CFAP418: variants seen among roughly 807,000 people sequenced by gnomAD.
CFAP418 encodes cilia and flagella associated protein 418.
In CFAP418, 27 loss-of-function variants were observed where a neutral mutation model predicts 24.7. The ratio of observed to expected loss-of-function variants is 1.09; its 90% confidence interval spans 0.81 to 1.51. The LOEUF is 1.51. CFAP418 is among the 40% of genes most tolerant of loss of function. The probability of loss-of-function intolerance (pLI) is 0.00; values close to 1 mark genes in which losing one functional copy is unlikely to be tolerated. For missense variants in CFAP418, 257 were observed against 255.2 expected, an observed-to-expected ratio of 1.01 and a Z score of -0.05; for synonymous variants, 74 against 87.3, an observed-to-expected ratio of 0.85 and a Z score of 0.85.
In CFAP418 at chr8:95,245,913, G is replaced by A. The variant is rs926399359; in HGVS notation, c.*1704C>T. 6.6e-6 allele frequency: 1 copy of A among 151,678 alleles called. No homozygotes were observed. Among genetic ancestry groups the A allele is most frequent in the Non-Finnish European group, 1.5e-5 (1 of 67,958 alleles). 9.4% of individuals were successfully genotyped at this position (151,678 alleles called of 1,614,324 possible). On this transcript the variant is annotated 3_prime_UTR_variant, in exon 6 of 6. Coordinates refer to ENST00000286688, the MANE Select transcript of CFAP418 (RefSeq NM_177965.4). ...TCGACTTCAATCGACATCCCCCTAGGTTTCTGACTCAATTACATATAGATA... is the reference window on the plus strand; with the variant it reads ...TCGACTTCAATCGACATCCCCCTAGATTTCTGACTCAATTACATATAGATA...
intron 5 of CFAP418, among the ~76,000 whole-genome samples, chr8:95,249,681 T>G (rs1811679605): frequency 6.6e-6 from 1 of 152,138 alleles, no homozygotes; most frequent in South Asian, 2.1e-4. Context: ...TTCTAAAACT[T>G]CTCAAAGATA....
rs535340031 is a variant in CFAP418, at chr8:95,251,634, A to AAAACCAG, written c.470+547_470+553dup. ...TCTGAGAGAAGAGATTGTAGCCAGA[A>AAAACCAG]AAACCAGTGAGGAGGTTACTTCTGT... On this transcript the variant is annotated intron_variant, in intron 5 of 5. Coordinates refer to ENST00000286688, the MANE Select transcript of CFAP418 (RefSeq NM_177965.4). 1.4e-4 allele frequency among the ~76,000 whole-genome samples: 22 copies of AAAACCAG among 152,342 alleles called. 1 individual carries two copies. In the South Asian group the frequency reaches 4.6e-3, roughly 32 times the overall value.
chr8:95,258,322 CAG>C (rs1312465793), intron 4 of CFAP418, among the ~76,000 whole-genome samples: 2 of 136,832 alleles, frequency 1.5e-5, no homozygotes, highest in African/African-American at 5.5e-5. Flanking sequence ...GCGGAGCTTG[CAG>C]AGAGCCGAGA....
At chr8:95,268,776 G>GGGGCAGGGCGGGGCA (rs1554559650) in intron 1 of CFAP418, 3 of 229,138 alleles carry the variant, frequency 1.3e-5, no homozygotes, top group South Asian at 1.7e-4. Flanking sequence ...GGGGCGGGGC[G>GGGGCAGGGCGGGGCA]GGGCGGGGCG....
rs1054934891 is a variant in CFAP418, at chr8:95,247,282, G to C, written c.*335C>G. 1 of 236,102 alleles carries C rather than the reference G, an allele frequency of 4.2e-6. No individual in the cohort carries two copies. Among genetic ancestry groups the C allele is most frequent in the African/African-American group, 2.3e-5 (1 of 43,278 alleles). 14.6% of individuals were successfully genotyped at this position (236,102 alleles called of 1,614,324 possible). ...CAAGTTGGGGAATGATTTGCTAAAC[G>C]TATTAGCAATCAATATTGCAGTTGC... is the stretch of plus-strand genomic sequence containing the variant. On this transcript the variant is annotated 3_prime_UTR_variant, in exon 6 of 6. Coordinates refer to ENST00000286688, the MANE Select transcript of CFAP418 (RefSeq NM_177965.4).
intron 3 of CFAP418, 92 bp from the exon 4 acceptor site, chr8:95,259,997 T>C (rs1811860247): frequency 1.1e-6 from 1 of 905,554 alleles, no homozygotes; most frequent in South Asian, 1.6e-5. Flanking sequence ...TTGGTTTTAT[T>C]GACTTTATGT....
In CFAP418 at chr8:95,247,462, CATTTGGT is replaced by C; in HGVS notation, c.*148_*154del. 1 of 739,214 alleles carries C rather than the reference CATTTGGT, an allele frequency of 1.4e-6. No individual in the cohort carries two copies. Among genetic ancestry groups the C allele is most frequent in the Non-Finnish European group, 2.2e-6 (1 of 452,232 alleles). The allele number at this position is 739,214 out of a possible 1,614,324, so 45.8% of individuals were successfully genotyped here. On this transcript the variant is annotated 3_prime_UTR_variant, in exon 6 of 6. Coordinates refer to ENST00000286688, the MANE Select transcript of CFAP418 (RefSeq NM_177965.4). ...TTATAATACATGATCTTCCTTAGTCCATTTGGTCTTCAAAAATGTATGTAGTTGTATC... is the reference window on the plus strand; with the variant it reads ...TTATAATACATGATCTTCCTTAGTCCCTTCAAAAATGTATGTAGTTGTATC...
At chr8:95,258,139 G>A (rs1229961461) in intron 4 of CFAP418, among the ~76,000 whole-genome samples, 6 of 152,088 alleles carry the variant, frequency 3.9e-5, no homozygotes, top group Admixed American at 2.0e-4. Context: ...TCCCAGCACC[G>A]TGGGAGGCCG....
chr8:95,268,883 C>T (rs1378292139), intron 1 of CFAP418, 152 bp downstream of exon 1: 11 of 797,904 alleles, frequency 1.4e-5, no homozygotes, highest in Admixed American at 4.8e-5. Flanking sequence ...AATGCGCTGC[C>T]GCGGAGGGTA....
At chr8:95,258,856 C>T (rs1365416984) in intron 4 of CFAP418, among the ~76,000 whole-genome samples, 1 of 152,218 alleles carries the variant, frequency 6.6e-6, no homozygotes, top group Admixed American at 6.5e-5. Context: ...ACATGCTACA[C>T]AGGTTTATAG....
intron 5 of CFAP418, among the ~76,000 whole-genome samples, chr8:95,250,213 T>C (rs1363507960): frequency 6.6e-6 from 1 of 152,256 alleles, no homozygotes; most frequent in Non-Finnish European, 1.5e-5. Context: ...CTTTAGCTGT[T>C]CCATTCTCTT....
Position 95,259,874 on chromosome 8 carries a change from T to C in CFAP418, c.340A>G (p.Ile114Val). ...CSPVYLGGSSIPCGIGTNISW... is the reference protein window; with the variant it reads ...CSPVYLGGSSVPCGIGTNISW... ...ATATTTGTTCCAATCCCACATGGAATAGAGCTTCCACCAAGGTACACCGGA... is the reference window on the plus strand; with the variant it reads ...ATATTTGTTCCAATCCCACATGGAACAGAGCTTCCACCAAGGTACACCGGA... Residue 114 changes from isoleucine (I) to valine (V), a missense_variant, in exon 4 of 6, where the codon ATT becomes GTT. Coordinates refer to ENST00000286688, the MANE Select transcript of CFAP418 (RefSeq NM_177965.4). 1 of 1,610,080 alleles carries C rather than the reference T, an allele frequency of 6.2e-7. No individual in the cohort carries two copies. The highest frequency in any genetic ancestry group is 1.1e-5 in the South Asian group (1 of 89,926).
chr8:95,249,784 T>C (rs1811681208), intron 5 of CFAP418, among the ~76,000 whole-genome samples: 1 of 152,234 alleles, frequency 6.6e-6, no homozygotes, highest in South Asian at 2.1e-4. Context: ...TTGGTCACTG[T>C]CCACTTCTGG....
chr8:95,258,763 G>A (rs993862049), intron 4 of CFAP418, among the ~76,000 whole-genome samples: 2 of 152,124 alleles, frequency 1.3e-5, no homozygotes, highest in African/African-American at 4.8e-5. Flanking sequence ...CTTTTACAAT[G>A]TATTTTTGCT....
chr8:95,265,821 G>T (rs544776606), intron 1 of CFAP418, among the ~76,000 whole-genome samples: 14 of 152,136 alleles, frequency 9.2e-5, no homozygotes, highest in Non-Finnish European at 1.6e-4. Context: ...ATTTCATTGA[G>T]AACTCATAAT....
intron 5 of CFAP418, among the ~76,000 whole-genome samples, chr8:95,251,788 A>C (rs1034406740): frequency 2.0e-5 from 3 of 152,244 alleles, no homozygotes; most frequent in African/African-American, 7.2e-5. Flanking sequence ...TTGTGGGAAT[A>C]TCAAAGAGTG....
At chr8:95,268,876 G>A (rs1004656367) in intron 1 of CFAP418, 159 bp downstream of exon 1, 3 of 751,280 alleles carry the variant, frequency 4.0e-6, no homozygotes, top group Non-Finnish European at 6.5e-6. Context: ...GTCGACGAAT[G>A]CGCTGCCGCG....
In CFAP418 at chr8:95,247,684, C is replaced by T; in HGVS notation, c.557G>A (p.Arg186Lys). 6.2e-7 allele frequency: 1 copy of T among 1,614,210 alleles called. No homozygotes were observed. Among genetic ancestry groups the T allele is most frequent in the Non-Finnish European group, 8.5e-7 (1 of 1,180,034 alleles). The stretch of plus-strand genomic sequence containing the variant: ...AAGGTCAGTCACTTCTTCAATAGTT[C>T]TCCAGCTACACTGGCAGGCATATGC... ...TRAYACQCSW[R>K]TIEEVTDLQT... is the part of the protein sequence containing the mutation. The change falls in exon 6 of 6, where the codon AGA becomes AAA. Residue 186 changes from arginine to lysine, a missense_variant. Transcript: ENST00000286688.
intron 1 of CFAP418, 74 bp downstream of exon 1, chr8:95,268,961 G>T: frequency 6.7e-7 from 1 of 1,500,646 alleles, no homozygotes; most frequent in Non-Finnish European, 9.1e-7. Flanking sequence ...CTTTTGGGTT[G>T]GGCGGCGGAG....
Sources: gnomAD v4.1 joint callset for allele counts (sites outside exome capture counted in the v4.1 genomes callset) on GRCh38, gnomAD v4.1.1 for gene constraint, MANE v1.5 for transcripts, NCBI Gene and HGNC (gene_info 2026-07-23, HGNC 2026-07-21) for gene names.